Variants in PCDHGA1 observed in about 807,000 individuals in gnomAD.
PCDHGA1 encodes the protein protocadherin gamma subfamily A, 1.
In PCDHGA1, 32 loss-of-function variants were observed where a neutral mutation model predicts 58.0. The observed-to-expected ratio is 0.55, with a 90% CI of 0.42 to 0.74. The LOEUF is 0.74. PCDHGA1 is among the 30% of genes least tolerant of loss of function. The probability of loss-of-function intolerance (pLI) is 0.00; values close to 1 mark genes in which losing one functional copy is unlikely to be tolerated. For synonymous variants in PCDHGA1, 498 were observed against 501.1 expected (o/e 0.99, Z 0.08); for missense variants, 1,205 against 1,182.3 (o/e 1.02, Z -0.28).
chr5:141,365,321 G>A lies in PCDHGA1; in HGVS notation c.2421+32216G>A, dbSNP rs552296703. On this transcript the variant is annotated intron_variant, in intron 1 of 3. Coordinates refer to ENST00000517417, the MANE Select transcript of PCDHGA1 (RefSeq NM_018912.3). ...GGATGGAGGCGCTCTTGTTGCCAGC[G>A]CTAAGGTGGTGGTCACAGTACAGGA... 3.1e-6 allele frequency: 5 copies of A among 1,613,828 alleles called. No homozygotes were observed. In the South Asian group the frequency reaches 4.4e-5, roughly 14 times the overall value.
At chr5:141,355,981 C>G in intron 1 of PCDHGA1, 1 of 1,613,874 alleles carries the variant, frequency 6.2e-7, no homozygotes, top group Non-Finnish European at 8.5e-7. Flanking sequence ...AGGCACTCGG[C>G]TACTCACCGT....
At chr5:141,333,643 A>G (rs1756476774) in intron 1 of PCDHGA1, 2 of 156,412 alleles carry the variant, frequency 1.3e-5, no homozygotes, top group African/African-American at 4.8e-5. Flanking sequence ...AGAGATCTAT[A>G]TAAACTGCAA....
rs1279890312 is a variant in PCDHGA1, at chr5:141,432,403, G to C, written c.2422-62404G>C. On this transcript the variant is annotated intron_variant, in intron 1 of 3. Transcript: ENST00000517417. This position sits in a 1 kb window ranked among gnomAD's most constrained non-coding sequence, Gnocchi z 6.0. ...CGCCCCTCAGCAGCAACGTGTCGTT[G>C]AGCCTGTTCGTGCTGGACCAGAACG... 1.9e-6 allele frequency: 3 copies of C among 1,614,242 alleles called. No homozygotes were observed. Among genetic ancestry groups the C allele is most frequent in the Non-Finnish European group, 8.5e-7 (1 of 1,180,052 alleles).
rs750200042 is a variant in PCDHGA1, at chr5:141,418,821, C to A, written c.2422-75986C>A. On this transcript the variant is annotated intron_variant, in intron 1 of 3. Coordinates refer to ENST00000517417, the MANE Select transcript of PCDHGA1 (RefSeq NM_018912.3). ...GAAAGATATACGATAAACATAGAAG[C>A]AAAAGACCGAGGATCTCTCTCAACA... 8.1e-6 allele frequency: 13 copies of A among 1,613,846 alleles called. 1 individual carries two copies. The highest frequency in any genetic ancestry group is 1.6e-4 in the Middle Eastern group (1 of 6,062).
At chr5:141,344,226 C>G in intron 1 of PCDHGA1, 1 of 1,614,026 alleles carries the variant, frequency 6.2e-7, no homozygotes, top group Non-Finnish European at 8.5e-7. Flanking sequence ...GCGCGGAGTC[C>G]GCATCGTCTC....
intron 1 of PCDHGA1, chr5:141,345,794 G>C (rs1266518687): frequency 6.2e-7 from 1 of 1,613,940 alleles, no homozygotes; most frequent in African/African-American, 1.3e-5. Context: ...CCGGCTACCT[G>C]GTGACCAAGG....
intron 1 of PCDHGA1, among the ~76,000 whole-genome samples, chr5:141,458,909 T>G (rs548847649): frequency 6.6e-6 from 1 of 152,192 alleles, no homozygotes; most frequent in African/African-American, 2.4e-5. Context: ...TTTTTTCTAT[T>G]TTTTGTGGAG....
At position 141,331,625 on chromosome 5, in the gene PCDHGA1, T is replaced by G; in HGVS notation, c.941T>G (p.Met314Arg). ...KEPLDFEEYK[M>R]YSMEVQAQDG... ...CCACTAGATTTCGAAGAATACAAAA[T>G]GTATTCAATGGAAGTTCAAGCCCAG... Residue 314 changes from methionine (M) to arginine (R), a missense_variant, in exon 1 of 4, where the codon ATG becomes AGG. Physicochemically the swap from Met to Arg is moderately conservative, Grantham distance 91 (BLOSUM62 -1). Transcript: ENST00000517417. 1 of 1,614,054 alleles carries G rather than the reference T, an allele frequency of 6.2e-7. No homozygotes were observed. Among genetic ancestry groups the G allele is most frequent in the Non-Finnish European group, 8.5e-7 (1 of 1,180,010 alleles).
In PCDHGA1 at chr5:141,512,394, C is replaced by A. The variant is rs750967336; in HGVS notation, c.*1221C>A. 1 of 152,706 alleles carries A rather than the reference C, an allele frequency of 6.5e-6. No homozygotes were observed. The highest frequency in any genetic ancestry group is 1.5e-5 in the Non-Finnish European group (1 of 68,084). The allele number at this position is 152,706 out of a possible 1,614,324, so 9.5% of individuals were successfully genotyped here. ...GACCAAATGAACAGAAAGTCTCAGC[C>A]CAGGATGGGGCTTCTTCAACAGGGC... is the stretch of plus-strand genomic sequence containing the variant. On this transcript the variant is annotated 3_prime_UTR_variant, in exon 4 of 4. Transcript: ENST00000517417.
chr5:141,421,850 C>T, intron 1 of PCDHGA1: 1 of 1,613,752 alleles, frequency 6.2e-7, no homozygotes, highest in Non-Finnish European at 8.5e-7. Context: ...AAAGAGGCTG[C>T]TCACCTGCTC....
rs372648693 is a variant in PCDHGA1, at chr5:141,417,997, G to A, written c.2422-76810G>A. 244 of 1,613,872 alleles carry A rather than the reference G, an allele frequency of 1.5e-4. No homozygotes were observed. The Middle Eastern group carries it at 3.5e-3, about 23-fold the overall frequency. On this transcript the variant is annotated intron_variant, in intron 1 of 3. Transcript: ENST00000517417. ...CGGAGGAGCTGGCCAAGGGCTCGGT[G>A]GTGGGGAACCTCGCTAAGGATCTAG...
chr5:141,364,351 C>T (rs1194197136), intron 1 of PCDHGA1: 12 of 1,550,222 alleles, frequency 7.7e-6, no homozygotes, highest in Non-Finnish European at 9.6e-6. Context: ...CACCTAGGGG[C>T]TGGGGCTGCG....
At position 141,431,696 on chromosome 5, in the gene PCDHGA1, G is replaced by T; in HGVS notation, c.2422-63111G>T. ...AGGGGAGTTGGACCACGAGGAGTCA[G>T]GATTCTACCAGATGGAAGTGCAAGC... On this transcript the variant is annotated intron_variant, in intron 1 of 3. Transcript: ENST00000517417. The surrounding 1 kb of genome is among the most constrained non-coding windows in gnomAD (Gnocchi z 4.8). 6.2e-7 allele frequency: 1 copy of T among 1,614,238 alleles called. No individual in the cohort carries two copies. Among genetic ancestry groups the T allele is most frequent in the Non-Finnish European group, 8.5e-7 (1 of 1,180,038 alleles).
intron 1 of PCDHGA1, chr5:141,379,257 A>G (rs1561582852): frequency 6.6e-6 from 1 of 152,234 alleles, no homozygotes. Flanking sequence ...TTTACATTTA[A>G]GGAATTGTTA....
At chr5:141,388,579 T>A (rs113550354) in intron 1 of PCDHGA1, 7 of 1,613,908 alleles carry the variant, frequency 4.3e-6, no homozygotes, top group Non-Finnish European at 5.1e-6. Flanking sequence ...CACGTTCTAG[T>A]GACTGATGCC....
Position 141,491,732 on chromosome 5 carries a change from C to G in PCDHGA1, c.2422-3075C>G. ...GGCTCGGCGCCGCCCCGGGCGACCC[C>G]TGGGGGCGGCACTGGAGAAGCCGCC... On this transcript the variant is annotated intron_variant, in intron 1 of 3. Coordinates refer to ENST00000517417, the MANE Select transcript of PCDHGA1 (RefSeq NM_018912.3). This position sits in a 1 kb window ranked among gnomAD's most constrained non-coding sequence, Gnocchi z 6.9. The G allele has an allele frequency of 1.2e-6, 2 of 1,602,752 alleles. No individual in the cohort carries two copies. Among genetic ancestry groups the G allele is most frequent in the Non-Finnish European group, 1.7e-6 (2 of 1,175,308 alleles).
Position 141,489,072 on chromosome 5 carries a change from AC to A in PCDHGA1, c.2422-5730del. The A allele has an allele frequency of 6.3e-6, 1 of 157,708 alleles. No individual in the cohort carries two copies. The highest frequency in any genetic ancestry group is 1.2e-5 in the Non-Finnish European group (1 of 83,994). The allele number at this position is 157,708 out of a possible 1,614,324, so 9.8% of individuals were successfully genotyped here. On this transcript the variant is annotated intron_variant, in intron 1 of 3. Coordinates refer to ENST00000517417, the MANE Select transcript of PCDHGA1 (RefSeq NM_018912.3). This position sits in a 1 kb window ranked among gnomAD's most constrained non-coding sequence, Gnocchi z 4.5. ...AATTCAGCTCCCCTCCCCCCTGCCC[AC>A]CCCCGCCACTCGGTGACTAAGAACT...
chr5:141,496,959 G>C (rs1451127360), intron 2 of PCDHGA1, among the ~76,000 whole-genome samples: 2 of 151,894 alleles, frequency 1.3e-5, no homozygotes, highest in Non-Finnish European at 2.9e-5. Flanking sequence ...GCCAAGGTGG[G>C]TAGATCACTT....
rs1016254258 is a variant in PCDHGA1 at position 141,489,870 on chromosome 5, G to C, written c.2422-4937G>C. ...GTGAAGCCCAGGCAAGACATCAGCT[G>C]GTGCTTACTGCTGTGGATGGGGGGA... On this transcript the variant is annotated intron_variant, in intron 1 of 3. Transcript: ENST00000517417. The surrounding 1 kb of genome is among the most constrained non-coding windows in gnomAD (Gnocchi z 4.5). The C allele has an allele frequency of 2.0e-5, 32 of 1,614,102 alleles. No homozygotes were observed. Among genetic ancestry groups the C allele is most frequent in the African/African-American group, 4.0e-5 (3 of 74,944 alleles).
Sources: allele counts gnomAD v4.1 joint callset (sites outside exome capture counted in the v4.1 genomes callset), GRCh38; gene constraint gnomAD v4.1.1; non-coding constraint Gnocchi (gnomAD v3.1); transcripts MANE v1.5; gene names NCBI Gene and HGNC (gene_info 2026-07-23, HGNC 2026-07-21).